The following ADGRL2 variants were observed in gnomAD, a reference collection of about 807,000 sequenced individuals.
ADGRL2 encodes calcium-independent alpha-latrotoxin receptor 2.
Under a neutral mutation model 157.4 loss-of-function variants are expected in ADGRL2, and 44 were observed. That is an observed-to-expected ratio of 0.28 (90% CI 0.22 to 0.36). The LOEUF is 0.36. Ranked by LOEUF, ADGRL2 falls within the 10% of genes least tolerant of loss-of-function variation. The probability of loss-of-function intolerance (pLI) is 1.00; values close to 1 mark genes in which losing one functional copy is unlikely to be tolerated. For synonymous variants in ADGRL2, 585 were observed against 624.7 expected, an observed-to-expected ratio of 0.94 and a Z score of 0.95; for missense variants, 1,510 against 1,768.9, an observed-to-expected ratio of 0.85 and a Z score of 2.63.
At position 81,623,258 on chromosome 1, in the gene ADGRL2, A is replaced by T. The variant is rs547739029; in HGVS notation, c.-143+42278A>T. 4.8e-4 allele frequency among the ~76,000 whole-genome samples: 73 copies of T among 152,348 alleles called. No homozygotes were observed. The South Asian group carries it at 0.015, about 31-fold the overall frequency. ...ATGCAGTAACAATGAAAGTTACAAG[A>T]CATTGACAGATATTTCAAAGAACAA... On this transcript the variant is annotated intron_variant, in intron 3 of 24. Transcript: ENST00000370721.
chr1:81,802,419 T>C (rs2149491679), intron 1 of ADGRL2, among the ~76,000 whole-genome samples: 1 of 151,784 alleles, frequency 6.6e-6, no homozygotes, highest in Non-Finnish European at 1.5e-5. Context: ...CTCCCCCCAA[T>C]CTCCTCTTGG....
chr1:81,575,008 G>T (rs2080770235), intron 2 of ADGRL2, among the ~76,000 whole-genome samples: 1 of 152,104 alleles, frequency 6.6e-6, no homozygotes, highest in Non-Finnish European at 1.5e-5. Context: ...TAAAACTATG[G>T]CATTATACTT....
At chr1:81,981,209 A>G (rs943082848) in intron 18 of ADGRL2, 1 of 274,630 alleles carries the variant, frequency 3.6e-6, no homozygotes, top group African/African-American at 2.3e-5. Context: ...ATTCCGTCCT[A>G]TTTTCTACAG....
chr1:81,982,615 A>G (rs1285289342), intron 19 of ADGRL2, among the ~76,000 whole-genome samples: 1 of 151,960 alleles, frequency 6.6e-6, no homozygotes, highest in Non-Finnish European at 1.5e-5. Context: ...CTCTGCCTAC[A>G]TATCTAATGT....
intron 1 of ADGRL2, among the ~76,000 whole-genome samples, chr1:81,425,103 G>C (rs2077188300): frequency 6.6e-6 from 1 of 152,190 alleles, no homozygotes; most frequent in East Asian, 1.9e-4. Flanking sequence ...TTCCATTCTG[G>C]AGCATAAAAG....
chr1:81,470,460 C>T (rs1182034239), intron 2 of ADGRL2, among the ~76,000 whole-genome samples: 1 of 152,118 alleles, frequency 6.6e-6, no homozygotes, highest in Non-Finnish European at 1.5e-5. Context: ...GTTCGCATGC[C>T]CTTTTTCAAG....
At chr1:81,416,422 G>A (rs1185061186) in intron 1 of ADGRL2, among the ~76,000 whole-genome samples, 2 of 151,886 alleles carry the variant, frequency 1.3e-5, no homozygotes, top group South Asian at 2.1e-4. Flanking sequence ...AGTTTTTATG[G>A]TTATACTTCA....
intron 2 of ADGRL2, among the ~76,000 whole-genome samples, chr1:81,780,159 C>T (rs2086754900): frequency 6.6e-6 from 1 of 152,168 alleles, no homozygotes; most frequent in Non-Finnish European, 1.5e-5. Flanking sequence ...CATGTACATT[C>T]ATAACTTCTA....
At chr1:81,630,287 C>T (rs1007109804) in intron 3 of ADGRL2, among the ~76,000 whole-genome samples, 6 of 152,042 alleles carry the variant, frequency 3.9e-5, no homozygotes, top group Admixed American at 1.3e-4. Context: ...AGGCAGCTCC[C>T]ATCAGCCAAG....
rs377500786 is a variant in ADGRL2 at position 81,855,989 on chromosome 1, G to T, written c.73+18932G>T. ...AGTTTGTTCGTGGTAAGGGACAGAA[G>T]CTGATGTTTGGGAATAAAGTAAACT... On this transcript the variant is annotated intron_variant, in intron 2 of 23. Coordinates refer to ENST00000686636, the MANE Select transcript of ADGRL2 (RefSeq NM_001366006.2). Among the ~76,000 whole-genome samples the T allele has an allele frequency of 2.6e-4, 40 of 152,288 alleles. No homozygotes were observed. In the East Asian group the frequency reaches 4.3e-3, roughly 16 times the overall value.
At chr1:81,761,657 A>C (rs928973345) in intron 1 of ADGRL2, among the ~76,000 whole-genome samples, 1 of 151,976 alleles carries the variant, frequency 6.6e-6, no homozygotes, top group African/African-American at 2.4e-5. Flanking sequence ...GTTCATAGTC[A>C]TATAATATAT....
At chr1:81,823,891 A>G (rs2091229830) in intron 1 of ADGRL2, among the ~76,000 whole-genome samples, 1 of 152,192 alleles carries the variant, frequency 6.6e-6, no homozygotes, top group Non-Finnish European at 1.5e-5. Flanking sequence ...CACGAAGTTA[A>G]AAAAGGATGG....
At chr1:81,774,078 A>C (rs2086480085) in intron 2 of ADGRL2, among the ~76,000 whole-genome samples, 2 of 152,184 alleles carry the variant, frequency 1.3e-5, no homozygotes, top group African/African-American at 4.8e-5. Flanking sequence ...TAGCTTCCAA[A>C]ACTGGGGGAA....
At chr1:81,935,587 A>G (rs2095298971) in intron 3 of ADGRL2, among the ~76,000 whole-genome samples, 1 of 151,886 alleles carries the variant, frequency 6.6e-6, no homozygotes, top group Non-Finnish European at 1.5e-5. Context: ...AAAATTCTTT[A>G]TAGTGCTATT....
intron 3 of ADGRL2, among the ~76,000 whole-genome samples, chr1:81,674,810 A>G (rs1240712951): frequency 6.6e-6 from 1 of 152,188 alleles, no homozygotes; most frequent in African/African-American, 2.4e-5. Context: ...GAATAAGGGA[A>G]TATTTGAAAA....
At chr1:81,916,481 T>TG (rs1354383606) in intron 3 of ADGRL2, among the ~76,000 whole-genome samples, 6 of 152,158 alleles carry the variant, frequency 3.9e-5, no homozygotes, top group Non-Finnish European at 8.8e-5. Flanking sequence ...CATTTTCTTC[T>TG]GTTTTTTTTC....
At chr1:81,604,263 C>A (rs929962921) in intron 3 of ADGRL2, among the ~76,000 whole-genome samples, 1 of 152,136 alleles carries the variant, frequency 6.6e-6, no homozygotes, top group South Asian at 2.1e-4. Flanking sequence ...CTGTGCCTGG[C>A]CTATAAGAAC....
intron 3 of ADGRL2, among the ~76,000 whole-genome samples, chr1:81,692,887 G>A (rs1570853482): frequency 6.6e-6 from 1 of 152,088 alleles, no homozygotes. Context: ...ATGACACTGG[G>A]CCAATATTCC....
chr1:81,896,414 A>C (rs2094389675), intron 2 of ADGRL2, among the ~76,000 whole-genome samples: 1 of 152,172 alleles, frequency 6.6e-6, no homozygotes, highest in Admixed American at 6.5e-5. Flanking sequence ...TCAGTCATTT[A>C]AGAGCATATT....
Sources: allele counts gnomAD v4.1 joint callset (sites outside exome capture counted in the v4.1 genomes callset), GRCh38; gene constraint gnomAD v4.1.1; transcripts MANE v1.5; gene names NCBI Gene and HGNC (gene_info 2026-07-23, HGNC 2026-07-21).